Variants in SUGCT observed in about 807,000 individuals in gnomAD.
SUGCT encodes succinyl-CoA:glutarate CoA-transferase.
Under a neutral mutation model 55.0 loss-of-function variants are expected in SUGCT, and 41 were observed. That is an observed-to-expected ratio of 0.74 (90% CI 0.58 to 0.97). The LOEUF (loss-of-function observed/expected upper bound fraction) is 0.97, where lower values mean the gene tolerates loss of function less well. Among genes scored for constraint, SUGCT ranks in the 50% least tolerant of loss-of-function variants. The pLI, the probability that SUGCT is intolerant of heterozygous loss-of-function variation, is 0.00. For synonymous variants in SUGCT, 187 were observed against 200.4 expected (o/e 0.93, Z 0.56); for missense variants, 568 against 547.8 (o/e 1.04, Z -0.37).
intron 9 of SUGCT, among the ~76,000 whole-genome samples, chr7:40,359,627 T>C (rs1798054398): frequency 1.3e-5 from 2 of 152,138 alleles, no homozygotes. Flanking sequence ...AGGAAGGGTA[T>C]AAAGAGAACG....
chr7:40,195,963 C>T (rs973496755), intron 6 of SUGCT, among the ~76,000 whole-genome samples: 7 of 151,608 alleles, frequency 4.6e-5, no homozygotes, highest in Non-Finnish European at 7.4e-5. Context: ...ATCCACCCAC[C>T]TTGGTCTCCC....
At chr7:40,267,764 A>G (rs1791699039) in intron 7 of SUGCT, among the ~76,000 whole-genome samples, 2 of 151,916 alleles carry the variant, frequency 1.3e-5, no homozygotes, top group African/African-American at 4.8e-5. Flanking sequence ...GGGAATTTCT[A>G]CTCACTAAAT....
chr7:40,493,621 A>G (rs1034191182), intron 11 of SUGCT, among the ~76,000 whole-genome samples: 3 of 152,338 alleles, frequency 2.0e-5, no homozygotes, highest in Middle Eastern at 3.4e-3. Flanking sequence ...TAAGTTGCCA[A>G]TTAAATTTGA....
chr7:40,301,197 C>G (rs1274818623), intron 8 of SUGCT, among the ~76,000 whole-genome samples: 1 of 152,150 alleles, frequency 6.6e-6, no homozygotes, highest in African/African-American at 2.4e-5. Context: ...GAAAATTCAT[C>G]TCTTTTCACC....
At chr7:40,434,671 A>G (rs931371300) in intron 9 of SUGCT, among the ~76,000 whole-genome samples, 2 of 152,154 alleles carry the variant, frequency 1.3e-5, no homozygotes, top group Middle Eastern at 3.2e-3. Flanking sequence ...TCTCACATGC[A>G]TTTTAGATGC....
At chr7:40,962,764 G>T in the SUGCT span, among the ~76,000 whole-genome samples, 52,680 of 151,908 alleles carry the variant, frequency 0.35, 9,833 homozygotes, top group African/African-American at 0.5. Context: ...TCACACAATG[G>T]CTCCGGGTTG....
intron 8 of SUGCT, among the ~76,000 whole-genome samples, chr7:40,288,688 G>T (rs983164816): frequency 6.6e-6 from 1 of 150,382 alleles, no homozygotes; most frequent in Non-Finnish European, 1.5e-5. Flanking sequence ...AAAATAAAGA[G>T]GAACAGATGA....
intron 11 of SUGCT, among the ~76,000 whole-genome samples, chr7:40,474,871 G>A (rs1216224602): frequency 2.6e-5 from 4 of 152,130 alleles, no homozygotes; most frequent in Non-Finnish European, 5.9e-5. Flanking sequence ...CTTTAAAATT[G>A]TCGAGAGAAT....
intron 6 of SUGCT, among the ~76,000 whole-genome samples, chr7:40,223,460 T>C (rs1407903050): frequency 6.6e-6 from 1 of 152,240 alleles, no homozygotes; most frequent in Non-Finnish European, 1.5e-5. Context: ...ATCTGAGAAC[T>C]AGATGTGCTT....
intron 13 of SUGCT, among the ~76,000 whole-genome samples, chr7:40,750,352 C>T (rs1409538534): frequency 6.6e-6 from 1 of 152,162 alleles, no homozygotes; most frequent in Non-Finnish European, 1.5e-5. Context: ...ACAAACCAAG[C>T]ACTTATTTTT....
chr7:40,503,853 A>G (rs1792438208), intron 12 of SUGCT, among the ~76,000 whole-genome samples: 1 of 152,248 alleles, frequency 6.6e-6, no homozygotes, highest in Admixed American at 6.5e-5. Flanking sequence ...TGATAAAAAT[A>G]CAAAGTTTAG....
intron 12 of SUGCT, among the ~76,000 whole-genome samples, chr7:40,625,149 A>T (rs1013434201): frequency 2.0e-5 from 3 of 151,998 alleles, no homozygotes; most frequent in African/African-American, 7.3e-5. Context: ...ACCTATTCTC[A>T]TGGGTAGTTC....
intron 7 of SUGCT, among the ~76,000 whole-genome samples, chr7:40,262,769 TTGTC>T (rs1791312951): frequency 2.0e-5 from 3 of 152,256 alleles, no homozygotes; most frequent in Admixed American, 1.3e-4. Flanking sequence ...TCTTTAGTGA[TTGTC>T]TGAAAAGGAA....
intron 9 of SUGCT, among the ~76,000 whole-genome samples, chr7:40,402,178 T>C (rs1005307382): frequency 6.6e-6 from 1 of 152,080 alleles, no homozygotes; most frequent in Non-Finnish European, 1.5e-5. Context: ...AAACTAGATA[T>C]CTTACCAAAG....
chr7:40,327,969 GCAGGGTCACAAGTCCATGGTATAA>G (rs1472303073), intron 9 of SUGCT, among the ~76,000 whole-genome samples: 1 of 152,184 alleles, frequency 6.6e-6, no homozygotes, highest in African/African-American at 2.4e-5. Context: ...GATAACTTGT[GCAGGGTCACAAGTCCATGGTATAA>G]CTGGGATTCT....
At chr7:40,597,264 C>T (rs921596283) in intron 12 of SUGCT, among the ~76,000 whole-genome samples, 2 of 152,124 alleles carry the variant, frequency 1.3e-5, no homozygotes, top group Admixed American at 6.5e-5. Context: ...TTGTTCTAGC[C>T]TAACTTCCTC....
chr7:40,666,545 G>A (rs1221608877), intron 12 of SUGCT, among the ~76,000 whole-genome samples: 1 of 149,076 alleles, frequency 6.7e-6, no homozygotes, highest in African/African-American at 2.5e-5. Flanking sequence ...GAAGGAAGTA[G>A]TGGGCGGATA....
At chr7:40,792,026 A>G (rs193111943) in intron 13 of SUGCT, among the ~76,000 whole-genome samples, 3 of 152,302 alleles carry the variant, frequency 2.0e-5, no homozygotes, top group African/African-American at 7.2e-5. Context: ...GCCACACATG[A>G]TTTGTCAAGG....
intron 7 of SUGCT, among the ~76,000 whole-genome samples, chr7:40,250,823 C>CGCT (rs1790321542): frequency 7.3e-6 from 1 of 136,966 alleles, no homozygotes; most frequent in African/African-American, 2.8e-5. Context: ...AGTCATTTCA[C>CGCT]GCTTCTTTTT....
Sources: gnomAD v4.1 joint callset for allele counts (sites outside exome capture counted in the v4.1 genomes callset) on GRCh38, gnomAD v4.1.1 for gene constraint, MANE v1.5 for transcripts, NCBI Gene and HGNC (gene_info 2026-07-23, HGNC 2026-07-21) for gene names.